The following THRAP3 variants were observed in gnomAD, a reference collection of about 807,000 sequenced individuals.
THRAP3 encodes the protein thyroid hormone receptor-associated protein 3.
A neutral mutation model predicts 101.0 loss-of-function variants in THRAP3; 16 were observed. That is an observed-to-expected ratio of 0.16 (90% CI 0.11 to 0.24). The LOEUF is 0.24. Ranked by LOEUF, THRAP3 falls within the 10% of genes least tolerant of loss-of-function variation. The pLI is 1.00. For synonymous variants in THRAP3, 407 were observed against 422.6 expected (o/e 0.96, Z 0.45); for missense variants, 989 against 1,202.7 (o/e 0.82, Z 2.63).
At chr1:36,224,091 A>C (rs1644928159), upstream of THRAP3, among the ~76,000 whole-genome samples, 1 of 152,234 alleles carries the variant, frequency 6.6e-6, no homozygotes, top group Non-Finnish European at 1.5e-5. Flanking sequence ...CAACAAGGCA[A>C]GCTGGCCCGG....
intron 2 of THRAP3, among the ~76,000 whole-genome samples, chr1:36,280,223 C>A (rs183067969): frequency 2.0e-5 from 3 of 152,214 alleles, no homozygotes; most frequent in African/African-American, 7.2e-5. Flanking sequence ...ATCTGTAAAA[C>A]GGGATTAAAA....
At chr1:36,231,778 G>T (rs1645030404) in intron 1 of THRAP3, among the ~76,000 whole-genome samples, 2 of 152,140 alleles carry the variant, frequency 1.3e-5, no homozygotes, top group Admixed American at 1.3e-4. Flanking sequence ...ACAGAAGATG[G>T]TCCCAGTTTA....
chr1:36,231,129 T>G (rs1364654266), intron 1 of THRAP3, among the ~76,000 whole-genome samples: 1 of 152,240 alleles, frequency 6.6e-6, no homozygotes, highest in Non-Finnish European at 1.5e-5. Flanking sequence ...CATAGTCACT[T>G]TGCTGTCTTA....
At chr1:36,255,958 G>A (rs1251546461) in intron 1 of THRAP3, among the ~76,000 whole-genome samples, 1 of 152,040 alleles carries the variant, frequency 6.6e-6, no homozygotes, top group Non-Finnish European at 1.5e-5. Flanking sequence ...TGGAACATGG[G>A]AGCGTTCTGA....
intron 4 of THRAP3, chr1:36,288,320 C>T (rs1179197255): frequency 1.1e-6 from 1 of 918,862 alleles, no homozygotes; most frequent in Non-Finnish European, 1.3e-6. Flanking sequence ...CATCCTTCTC[C>T]TTGAGTTCCC....
chr1:36,228,230 T>A (rs1471964816), intron 1 of THRAP3, among the ~76,000 whole-genome samples: 1 of 150,930 alleles, frequency 6.6e-6, no homozygotes, highest in African/African-American at 2.5e-5. Context: ...GTATTTTTTT[T>A]TCTTGAGACA....
intron 9 of THRAP3, among the ~76,000 whole-genome samples, chr1:36,297,509 C>T (rs985195389): frequency 7.1e-6 from 1 of 140,116 alleles, no homozygotes; most frequent in South Asian, 2.2e-4. Flanking sequence ...AGTGCAGTGG[C>T]GCAATCTCAG....
intron 9 of THRAP3, among the ~76,000 whole-genome samples, chr1:36,297,626 T>G (rs1043629836): frequency 3.3e-5 from 5 of 151,492 alleles, no homozygotes; most frequent in Non-Finnish European, 5.9e-5. Context: ...TTTTTTGTAT[T>G]TAGAGATGGA....
chr1:36,254,011 T>C (rs1645342966), intron 1 of THRAP3, among the ~76,000 whole-genome samples: 1 of 152,050 alleles, frequency 6.6e-6, no homozygotes, highest in Non-Finnish European at 1.5e-5. Flanking sequence ...TAAGGGTGGT[T>C]CTTGTTGAAA....
the THRAP3 span, among the ~76,000 whole-genome samples, chr1:36,210,455 G>A: frequency 6.0e-5 from 9 of 149,292 alleles, no homozygotes; most frequent in Non-Finnish European, 1.2e-4. Context: ...TTGGGAGGCC[G>A]AGGTGGGCAG....
intron 8 of THRAP3, among the ~76,000 whole-genome samples, chr1:36,295,831 G>A (rs556800719): frequency 6.6e-6 from 1 of 152,100 alleles, no homozygotes; most frequent in East Asian, 1.9e-4. Context: ...CCAAGTGGAG[G>A]ATAAGCCATG....
At chr1:36,247,762 C>T (rs1048655629) in intron 1 of THRAP3, among the ~76,000 whole-genome samples, 9 of 151,914 alleles carry the variant, frequency 5.9e-5, no homozygotes, top group Admixed American at 3.3e-4. Context: ...TCTCTCTTGG[C>T]GATCTTTGAA....
intron 1 of THRAP3, among the ~76,000 whole-genome samples, chr1:36,238,418 C>T (rs191469171): frequency 2.1e-4 from 32 of 152,156 alleles, no homozygotes; most frequent in South Asian, 1.0e-3. Context: ...TTTTTTGATT[C>T]GTATCATTTT....
At chr1:36,236,630 T>G (rs528478253) in intron 1 of THRAP3, among the ~76,000 whole-genome samples, 14 of 152,330 alleles carry the variant, frequency 9.2e-5, no homozygotes, top group Admixed American at 9.2e-4. Flanking sequence ...GTCAGCATCT[T>G]CTGCCGGGGC....
intron 4 of THRAP3, chr1:36,287,707 C>T (rs762581473): frequency 1.0e-5 from 10 of 985,446 alleles, no homozygotes; most frequent in South Asian, 4.7e-5. Flanking sequence ...ACCCTCAATA[C>T]CCTCCAGTTG....
At chr1:36,300,023 C>T (rs572021958) in intron 9 of THRAP3, among the ~76,000 whole-genome samples, 2 of 152,272 alleles carry the variant, frequency 1.3e-5, no homozygotes, top group South Asian at 4.1e-4. Context: ...GGCTCTGCTA[C>T]TCCTCCACTC....
the THRAP3 span, among the ~76,000 whole-genome samples, chr1:36,212,677 C>A: frequency 6.6e-6 from 1 of 152,046 alleles, no homozygotes; most frequent in East Asian, 1.9e-4. Flanking sequence ...ACCTTGGCCT[C>A]CCAAAGTGCT....
In THRAP3 at chr1:36,296,625, G is replaced by A; in HGVS notation, c.2158G>A (p.Asp720Asn). The change falls in exon 9 of 12, where the codon GAT becomes AAT. Residue 720 changes from aspartate (D) to asparagine (N), a missense_variant. Physicochemically the swap from Asp to Asn is conservative, Grantham distance 23. Coordinates refer to ENST00000354618, the MANE Select transcript of THRAP3 (RefSeq NM_005119.4). ...AGATGATCCTGTTGATCTCCGCCTT[G>A]ATATTGAACGTCGTAAAAAACATAA... is the stretch of plus-strand genomic sequence containing the variant. Reference protein sequence around the residue: ...YKDDPVDLRLDIERRKKHKER... With the variant: ...YKDDPVDLRLNIERRKKHKER... 6.3e-7 allele frequency: 1 copy of A among 1,591,530 alleles called. No individual in the cohort carries two copies. Among genetic ancestry groups the A allele is most frequent in the Non-Finnish European group, 8.5e-7 (1 of 1,174,130 alleles).
chr1:36,244,495 C>G (rs966662806), intron 1 of THRAP3, among the ~76,000 whole-genome samples: 4 of 152,184 alleles, frequency 2.6e-5, no homozygotes, highest in Admixed American at 2.6e-4. Flanking sequence ...CTTAGCTTTA[C>G]TATACTTAGT....
Sources: gnomAD v4.1 joint callset for allele counts (sites outside exome capture counted in the v4.1 genomes callset) on GRCh38, gnomAD v4.1.1 for gene constraint, MANE v1.5 for transcripts, NCBI Gene and HGNC (gene_info 2026-07-23, HGNC 2026-07-21) for gene names.